Variants in BBS9 observed in about 807,000 individuals in gnomAD.
BBS9 encodes Bardet-Biedl syndrome 9.
In BBS9, 89 loss-of-function variants were observed where a neutral mutation model predicts 117.7. That is an observed-to-expected ratio of 0.76 (90% CI 0.64 to 0.90). The LOEUF is 0.90. BBS9 is among the 40% of genes least tolerant of loss of function. BBS9 has a pLI of 0.00. For missense variants in BBS9, 982 were observed against 1,042.2 expected, an observed-to-expected ratio of 0.94 and a Z score of 0.80; for synonymous variants, 379 against 370.9, an observed-to-expected ratio of 1.02 and a Z score of -0.25.
intron 19 of BBS9, among the ~76,000 whole-genome samples, chr7:33,494,208 A>T (rs993528011): frequency 6.6e-6 from 1 of 152,078 alleles, no homozygotes; most frequent in South Asian, 2.1e-4. Context: ...GTAATGAGAG[A>T]TGCTATTGGC....
At chr7:33,555,555 A>T (rs1479232522) in intron 21 of BBS9, among the ~76,000 whole-genome samples, 1 of 152,214 alleles carries the variant, frequency 6.6e-6, no homozygotes, top group Non-Finnish European at 1.5e-5. Flanking sequence ...GCAAATGGGT[A>T]TGAGAACTTT....
chr7:33,434,284 A>G (rs1834966057), intron 19 of BBS9, among the ~76,000 whole-genome samples: 2 of 152,002 alleles, frequency 1.3e-5, no homozygotes, highest in African/African-American at 4.8e-5. Context: ...TTGCTAAAAA[A>G]AAAAAAAAAC....
chr7:33,188,326 G>GT, intron 5 of BBS9, among the ~76,000 whole-genome samples: 1 of 152,168 alleles, frequency 6.6e-6, no homozygotes, highest in Non-Finnish European at 1.5e-5. Flanking sequence ...TTCTGGTATA[G>GT]TTTGTTCCTC....
At chr7:33,593,178 G>T (rs1862205910) in intron 21 of BBS9, among the ~76,000 whole-genome samples, 1 of 152,118 alleles carries the variant, frequency 6.6e-6, no homozygotes, top group Admixed American at 6.6e-5. Context: ...GTACTGTATA[G>T]TGAAGAATTA....
intron 4 of BBS9, among the ~76,000 whole-genome samples, chr7:33,160,747 T>C (rs570240938): frequency 6.6e-6 from 1 of 152,308 alleles, no homozygotes; most frequent in Admixed American, 6.5e-5. Context: ...AAAGTGTTGC[T>C]GCAATGTAGA....
intron 19 of BBS9, among the ~76,000 whole-genome samples, chr7:33,412,946 T>C (rs573885255): frequency 6.6e-6 from 1 of 152,356 alleles, no homozygotes; most frequent in Non-Finnish European, 1.5e-5. Flanking sequence ...AATGATTTTA[T>C]GTAAAATTTT....
chr7:33,439,996 T>C (rs1367215794), intron 19 of BBS9, among the ~76,000 whole-genome samples: 1 of 152,216 alleles, frequency 6.6e-6, no homozygotes, highest in Admixed American at 6.5e-5. Context: ...AGCAGTACAC[T>C]GTATACCAGG....
At chr7:33,478,840 C>G (rs1381484980) in intron 19 of BBS9, among the ~76,000 whole-genome samples, 1 of 149,632 alleles carries the variant, frequency 6.7e-6, no homozygotes, top group Non-Finnish European at 1.5e-5. Flanking sequence ...TTTGTTCTCC[C>G]AAATAGGCAG....
At chr7:33,280,904 C>CT (rs1584065507) in intron 9 of BBS9, among the ~76,000 whole-genome samples, 9 of 43,432 alleles carry the variant, frequency 2.1e-4, no homozygotes, top group African/African-American at 2.2e-4. Context: ...GTTAATTTGT[C>CT]GTTTTTGTTT....
intron 9 of BBS9, among the ~76,000 whole-genome samples, chr7:33,324,664 G>A (rs1043214928): frequency 3.3e-5 from 5 of 149,938 alleles, no homozygotes; most frequent in African/African-American, 1.2e-4. Flanking sequence ...CAGGTCTAGT[G>A]TTGATGAAAT....
intron 19 of BBS9, among the ~76,000 whole-genome samples, chr7:33,459,409 T>A (rs1584906821): frequency 6.6e-6 from 1 of 151,814 alleles, no homozygotes; most frequent in South Asian, 2.1e-4. Context: ...CCAGTGATGT[T>A]GCTAAACTTC....
intron 20 of BBS9, among the ~76,000 whole-genome samples, chr7:33,522,389 C>T (rs1848762315): frequency 6.7e-6 from 1 of 149,986 alleles, no homozygotes; most frequent in Non-Finnish European, 1.5e-5. Context: ...CCTATTTCTC[C>T]ACATCCTCTC....
At chr7:33,463,881 G>T (rs1254305783) in intron 19 of BBS9, among the ~76,000 whole-genome samples, 1 of 151,912 alleles carries the variant, frequency 6.6e-6, no homozygotes, top group Non-Finnish European at 1.5e-5. Context: ...TTTTATGTGG[G>T]TATATGAAAA....
At chr7:33,544,211 TTTC>T (rs1240695472) in intron 21 of BBS9, among the ~76,000 whole-genome samples, 3 of 152,188 alleles carry the variant, frequency 2.0e-5, no homozygotes, top group East Asian at 1.9e-4. Flanking sequence ...AAATCAGGGA[TTTC>T]TTCTTGGTTT....
intron 15 of BBS9, among the ~76,000 whole-genome samples, chr7:33,353,843 A>G (rs1584463151): frequency 2.0e-5 from 3 of 152,090 alleles, no homozygotes; most frequent in Admixed American, 2.0e-4. Context: ...GAAGTAAACG[A>G]TTAGCTTAAT....
chr7:33,624,331 T>G (rs1585498343), intron 21 of BBS9, among the ~76,000 whole-genome samples: 3 of 152,258 alleles, frequency 2.0e-5, no homozygotes, highest in Admixed American at 6.5e-5. Context: ...ACCACCCACC[T>G]CCACCCTCAA....
chr7:33,155,797 A>G (rs1794016219), intron 4 of BBS9, 95 bp downstream of exon 4: 1 of 691,416 alleles, frequency 1.4e-6, no homozygotes, highest in South Asian at 1.7e-5. Context: ...TTGGTAGAGA[A>G]CACAAAACAT....
chr7:33,367,366 A>G (rs373525512), intron 16 of BBS9, among the ~76,000 whole-genome samples: 6 of 152,062 alleles, frequency 3.9e-5, no homozygotes, highest in African/African-American at 4.8e-5. Context: ...TGCAATTATT[A>G]TTTTCTTTGA....
intron 19 of BBS9, among the ~76,000 whole-genome samples, chr7:33,502,338 A>G (rs1845573726): frequency 6.6e-6 from 1 of 152,096 alleles, no homozygotes; most frequent in Non-Finnish European, 1.5e-5. Flanking sequence ...CATGTAGTAA[A>G]TACTTCCACC....
Sources: allele counts gnomAD v4.1 joint callset (sites outside exome capture counted in the v4.1 genomes callset), GRCh38; gene constraint gnomAD v4.1.1; transcripts MANE v1.5; gene names NCBI Gene and HGNC (gene_info 2026-07-23, HGNC 2026-07-21).